The following MIIP variants were observed in gnomAD, a reference collection of about 807,000 sequenced individuals.
MIIP encodes migration and invasion inhibitory protein, also known as migration and invasion-inhibitory protein.
Under a neutral mutation model 44.8 loss-of-function variants are expected in MIIP, and 44 were observed. That is an observed-to-expected ratio of 0.98 (90% confidence interval 0.77 to 1.26). The LOEUF (loss-of-function observed/expected upper bound fraction) is 1.26. Among genes scored for constraint, MIIP ranks in the 50% most tolerant of loss-of-function variants. MIIP has a pLI of 0.00. For synonymous variants in MIIP, 225 were observed against 218.3 expected (o/e 1.03, Z -0.27); for missense variants, 496 against 511.7 (o/e 0.97, Z 0.30).
In MIIP at chr1:12,030,017, C is replaced by T. The variant is rs370380724; in HGVS notation, c.846-11C>T. ...GGCTCCTCAGGGGTCCCCCACTGCC[C>T]CCCTGCGCAGGGTGAGCATCCCGCT... On this transcript the variant is annotated splice_polypyrimidine_tract_variant and intron_variant, in intron 7 of 9. Coordinates refer to ENST00000235332, the MANE Select transcript of MIIP (RefSeq NM_021933.4). 6.2e-7 allele frequency: 1 copy of T among 1,612,868 alleles called. No individual in the cohort carries two copies. The highest frequency in any genetic ancestry group is 8.5e-7 in the Non-Finnish European group (1 of 1,179,446).
chr1:12,031,460 C>G, intron 9 of MIIP, 57 bp downstream of exon 9: 3 of 1,586,174 alleles, frequency 1.9e-6, no homozygotes, highest in Non-Finnish European at 2.6e-6. Context: ...AGAGACCTCG[C>G]AGCAGGCCTG....
Position 12,022,244 on chromosome 1 carries a change from C to A in MIIP, c.264C>A (p.Ala88=). The change falls in exon 3 of 10, where the codon GCC becomes GCA. Residue 88 remains alanine, a synonymous_variant. Transcript: ENST00000235332. ...GTCGAGGGGACCTCCGTGATGTGGC[C>A]AGATCGGGGGTGGCCTCTCTCCCAC... is the stretch of plus-strand genomic sequence containing the variant. The part of the protein sequence containing the change: ...DACRGDLRDV[A]RSGVASLPPA... The A allele has an allele frequency of 6.2e-7, 1 of 1,613,266 alleles. No individual in the cohort carries two copies. Among genetic ancestry groups the A allele is most frequent in the Non-Finnish European group, 8.5e-7 (1 of 1,179,664 alleles).
intron 4 of MIIP, 139 bp from the exon 5 acceptor site, chr1:12,028,894 G>A: frequency 1.5e-6 from 1 of 665,732 alleles, no homozygotes; most frequent in Non-Finnish European, 2.6e-6. Flanking sequence ...GGGCCCTCCT[G>A]GCCTGTTTGA....
In MIIP at chr1:12,022,105, A is replaced by C. The variant is rs1639989244; in HGVS notation, c.125A>C (p.Glu42Ala). ...GGCCCCTCTCTCCAGTCAAGCCTGG[A>C]ATCCAGCAGCAGCTACAACTCAGAG... ...VARAASESSL[E>A]SSSSYNSETP... The change falls in exon 3 of 10, where the codon GAA becomes GCA. Residue 42 changes from glutamate to alanine, a missense_variant. Glu to Ala is a moderately radical substitution (Grantham distance 107). Coordinates refer to ENST00000235332, the MANE Select transcript of MIIP (RefSeq NM_021933.4). 1.2e-6 allele frequency: 2 copies of C among 1,613,590 alleles called. No homozygotes were observed. The highest frequency in any genetic ancestry group is 4.5e-5 in the East Asian group (2 of 44,890).
rs755457469 is a variant in MIIP at position 12,032,014 on chromosome 1, T to C, written c.*206T>C. ...GGAGGGTGAGGGATTCTGTGGAAGT[T>C]TGTAAATAAAGCTCAGTGCTCTGCA... On this transcript the variant is annotated 3_prime_UTR_variant, in exon 10 of 10. Coordinates refer to ENST00000235332, the MANE Select transcript of MIIP (RefSeq NM_021933.4). 15 of 599,440 alleles carry C rather than the reference T, an allele frequency of 2.5e-5. No individual in the cohort carries two copies. The highest frequency in any genetic ancestry group is 3.8e-5 in the Non-Finnish European group (13 of 338,200). 37.1% of individuals were successfully genotyped at this position (599,440 alleles called of 1,614,324 possible).
chr1:12,031,157 T>G (rs1569935543), intron 8 of MIIP, 109 bp from the exon 9 acceptor site: 1 of 1,352,626 alleles, frequency 7.4e-7, no homozygotes, highest in South Asian at 1.5e-5. Context: ...CCTGCCTTGG[T>G]GGGGGCCTCC....
chr1:12,024,288 T>C (rs1310951769), intron 4 of MIIP, among the ~76,000 whole-genome samples: 2 of 152,198 alleles, frequency 1.3e-5, no homozygotes, highest in African/African-American at 2.4e-5. Flanking sequence ...CACGTTATTG[T>C]CCAGCTCTCC....
rs1045833508 is a variant in MIIP at position 12,030,133 on chromosome 1, C to G, written c.942+9C>G. ...CACTGGCCCTGCCCCGGGTGAGCAG[C>G]CACGTGGGGCTGGATGGTGATGAGG... On this transcript the variant is annotated intron_variant, in intron 8 of 9. Transcript: ENST00000235332. 1 of 1,611,408 alleles carries G rather than the reference C, an allele frequency of 6.2e-7. No individual in the cohort carries two copies. Among genetic ancestry groups the G allele is most frequent in the Non-Finnish European group, 8.5e-7 (1 of 1,179,174 alleles).
In MIIP at chr1:12,029,890, G is replaced by A. The variant is rs201594506; in HGVS notation, c.841G>A (p.Val281Ile). The A allele has an allele frequency of 6.4e-5, 103 of 1,612,740 alleles. No individual in the cohort carries two copies. In the East Asian group the frequency reaches 1.9e-3, roughly 30 times the overall value. ...TGGGACCCTGGCGCAGCCAGCGCAC[G>A]TCAGGTGAGTGACCAGAGTATTGGG... ...GPGTLAQPAH[V>I]RVSIPLSILE... Residue 281 changes from valine (V) to isoleucine (I), a missense_variant, in exon 7 of 10, where the codon GTC (valine) becomes ATC (isoleucine). By Grantham distance (29) the Val-to-Ile change is conservative (BLOSUM62 3). Transcript: ENST00000235332.
Position 12,031,965 on chromosome 1 carries a change from TC to T in MIIP, c.*159del. 2 of 688,504 alleles carry T rather than the reference TC, an allele frequency of 2.9e-6. No individual in the cohort carries two copies. The highest frequency in any genetic ancestry group is 4.9e-6 in the Non-Finnish European group (2 of 407,744). 42.6% of individuals were successfully genotyped at this position (688,504 alleles called of 1,614,324 possible). A position where few individuals can be genotyped will look rare whatever the true frequency, so the allele number is the denominator to read the frequency against. On this transcript the variant is annotated 3_prime_UTR_variant, in exon 10 of 10. Transcript: ENST00000235332. ...ACCCAAGCTTGTCTGCTGCCTGAGTTCCAGAGAGGGAGGACCCTGGGGTGGA... is the reference window on the plus strand; with the variant it reads ...ACCCAAGCTTGTCTGCTGCCTGAGTTCAGAGAGGGAGGACCCTGGGGTGGA...
chr1:12,026,538 C>T (rs1640107830), intron 4 of MIIP, among the ~76,000 whole-genome samples: 1 of 152,222 alleles, frequency 6.6e-6, no homozygotes, highest in Admixed American at 6.5e-5. Flanking sequence ...CCAGCGTGCT[C>T]CGCCCCTCTG....
rs756176954 is a variant in MIIP at position 12,022,943 on chromosome 1, C to G, written c.547+26C>G. ...GTAAGGCGTGCTGTTGCCCTGCACA[C>G]ACTTTGCCTGGGAGTGGGAGGTGGA... On this transcript the variant is annotated intron_variant, in intron 4 of 9. Coordinates refer to ENST00000235332, the MANE Select transcript of MIIP (RefSeq NM_021933.4). 78 of 1,578,182 alleles carry G rather than the reference C, an allele frequency of 4.9e-5. 2 individuals are homozygous for G. In the Middle Eastern group the frequency reaches 7.0e-4, roughly 14 times the overall value.
Position 12,022,083 on chromosome 1 carries a change from C to T in MIIP, c.115-12C>T. Reference sequence around the variant, plus strand: ...GCAGCCACTCCCTGGGTGACCCGGCCCCTCTCTCCAGTCAAGCCTGGAATC... The same window carrying T: ...GCAGCCACTCCCTGGGTGACCCGGCTCCTCTCTCCAGTCAAGCCTGGAATC... On this transcript the variant is annotated splice_polypyrimidine_tract_variant and intron_variant, in intron 2 of 9. Transcript: ENST00000235332. 6.2e-7 allele frequency: 1 copy of T among 1,610,564 alleles called. No homozygotes were observed. The highest frequency in any genetic ancestry group is 1.3e-5 in the African/African-American group (1 of 74,948).
Position 12,029,051 on chromosome 1 carries a change from C to A in MIIP, c.566C>A (p.Ser189Tyr). ...ACACCAGGGTCTCTGGACACCAGCT[C>A]TTCCATCACCAGCCAGCCTGAGGCC... ...DWIAGSLDTSSSITSQPEAFF... is the reference protein window; with the variant it reads ...DWIAGSLDTSYSITSQPEAFF... Residue 189 changes from serine to tyrosine, a missense_variant, in exon 5 of 10, where the codon TCT becomes TAT. Transcript: ENST00000235332. The A allele has an allele frequency of 1.2e-6, 2 of 1,614,136 alleles. No homozygotes were observed. The highest frequency in any genetic ancestry group is 2.2e-5 in the East Asian group (1 of 44,872).
intron 2 of MIIP, 27 bp downstream of exon 2, chr1:12,021,867 A>G: frequency 6.4e-7 from 1 of 1,556,534 alleles, no homozygotes; most frequent in Non-Finnish European, 8.7e-7. Flanking sequence ...GGAACCCCAG[A>G]GGAAGGGGCT....
intron 4 of MIIP, among the ~76,000 whole-genome samples, chr1:12,028,087 A>G (rs1194691617): frequency 6.6e-6 from 1 of 152,194 alleles, no homozygotes; most frequent in African/African-American, 2.4e-5. Flanking sequence ...CACGCCTGTA[A>G]TTCCAGCTCT....
At position 12,022,306 on chromosome 1, in the gene MIIP, C is replaced by T. The variant is rs150131592; in HGVS notation, c.326C>T (p.Pro109Leu). ...CAGCACCAGGAGTCCCTGGGCCGACCGAGACCCCACTCAGCACCCTCGCTG... is the reference window on the plus strand; with the variant it reads ...CAGCACCAGGAGTCCCTGGGCCGACTGAGACCCCACTCAGCACCCTCGCTG... Reference protein sequence around the residue: ...KCQHQESLGRPRPHSAPSLGT... With the variant: ...KCQHQESLGRLRPHSAPSLGT... The change falls in exon 3 of 10, where the codon CCG (proline) becomes CTG (leucine). Residue 109 changes from proline to leucine, a missense_variant. Coordinates refer to ENST00000235332, the MANE Select transcript of MIIP (RefSeq NM_021933.4). The T allele has an allele frequency of 4.9e-5, 79 of 1,613,790 alleles. No homozygotes were observed. Among genetic ancestry groups the T allele is most frequent in the African/African-American group, 4.4e-4 (33 of 74,984 alleles).
intron 3 of MIIP, 120 bp downstream of exon 3, chr1:12,022,562 A>G (rs1044096728): frequency 1.1e-6 from 1 of 880,404 alleles, no homozygotes; most frequent in East Asian, 2.7e-5. Flanking sequence ...CCTGGGAGAT[A>G]CTGTGAGTTG....
chr1:12,029,923 G>T (rs1640196600), intron 7 of MIIP, 29 bp downstream of exon 7: 1 of 1,611,072 alleles, frequency 6.2e-7, no homozygotes, highest in Admixed American at 1.7e-5. Context: ...GGGACACCTT[G>T]GGGGACAGAG....
Sources: allele counts gnomAD v4.1 joint callset (sites outside exome capture counted in the v4.1 genomes callset), GRCh38; gene constraint gnomAD v4.1.1; transcripts MANE v1.5; gene names NCBI Gene and HGNC (gene_info 2026-07-23, HGNC 2026-07-21).